Variants in GPC5 observed in about 807,000 individuals in gnomAD.
The protein encoded by GPC5 is glypican 5, also known as glypican-5.
Under a neutral mutation model 53.9 loss-of-function variants are expected in GPC5, and 47 were observed. That is an observed-to-expected ratio of 0.87 (90% CI 0.69 to 1.11). The LOEUF is 1.11. Among genes scored for constraint, GPC5 ranks in the 50% most tolerant of loss-of-function variants. The pLI is 0.00. For synonymous variants in GPC5, 286 were observed against 263.3 expected (o/e 1.09, Z -0.84); for missense variants, 748 against 713.1 (o/e 1.05, Z -0.56).
At chr13:91,706,300 C>G (rs2139880776) in intron 3 of GPC5, among the ~76,000 whole-genome samples, 1 of 151,920 alleles carries the variant, frequency 6.6e-6, no homozygotes, top group South Asian at 2.1e-4. Context: ...ATTTTTGCCC[C>G]ATAGAGTTAT....
intron 5 of GPC5, among the ~76,000 whole-genome samples, chr13:91,812,530 C>T (rs2038329377): frequency 6.6e-6 from 1 of 152,160 alleles, no homozygotes; most frequent in Non-Finnish European, 1.5e-5. Context: ...ACTTAGAAAG[C>T]TTAAATAACT....
Position 92,395,442 on chromosome 13 carries a change from C to T in GPC5, c.1561+250453C>T, listed in dbSNP as rs1875224302. ...CTGTTGTCATTTATTTTCCTTATCCCTATGCTATAGTTACCCAATACACTG... is the reference window on the plus strand; with the variant it reads ...CTGTTGTCATTTATTTTCCTTATCCTTATGCTATAGTTACCCAATACACTG... On this transcript the variant is annotated intron_variant, in intron 7 of 7. Transcript: ENST00000377067. Among the ~76,000 whole-genome samples, 2 of 152,070 alleles carry T rather than the reference C, an allele frequency of 1.3e-5. 1 individual carries two copies. Among genetic ancestry groups the T allele is most frequent in the Non-Finnish European group, 2.9e-5 (2 of 67,980 alleles).
intron 7 of GPC5, among the ~76,000 whole-genome samples, chr13:92,146,067 T>G (rs1278285514): frequency 6.6e-6 from 1 of 152,144 alleles, no homozygotes; most frequent in East Asian, 1.9e-4. Context: ...TAATGAAATG[T>G]TTTCTCATTA....
rs779699133 is a variant in GPC5 at position 91,693,931 on chromosome 13, T to C, written c.1020+50T>C. 4.5e-6 allele frequency: 6 copies of C among 1,341,140 alleles called. No individual in the cohort carries two copies. The East Asian group carries it at 1.2e-4, about 26-fold the overall frequency. The allele number at this position is 1,341,140 out of a possible 1,614,324, so 83.1% of individuals were successfully genotyped here. A position where few individuals can be genotyped will look rare whatever the true frequency, so the allele number is the denominator to read the frequency against. ...GTCTGACTTCTTGTAATTCAAATAT[T>C]AGCCATGATATACTTTAGGAAATAG... On this transcript the variant is annotated intron_variant, in intron 3 of 7. Coordinates refer to ENST00000377067, the MANE Select transcript of GPC5 (RefSeq NM_004466.6).
At chr13:92,703,243 GAATA>G (rs1473970827) in intron 7 of GPC5, among the ~76,000 whole-genome samples, 1 of 151,558 alleles carries the variant, frequency 6.6e-6, no homozygotes, top group Non-Finnish European at 1.5e-5. Context: ...GTTTTCAAAA[GAATA>G]AATTAATTAA....
At chr13:92,427,109 G>A (rs1876872262) in intron 7 of GPC5, among the ~76,000 whole-genome samples, 1 of 151,622 alleles carries the variant, frequency 6.6e-6, no homozygotes, top group South Asian at 2.1e-4. Context: ...TTCACCTAGT[G>A]CTTACCCAAG....
chr13:92,655,902 A>G (rs911629603), intron 7 of GPC5, among the ~76,000 whole-genome samples: 15 of 152,302 alleles, frequency 9.8e-5, no homozygotes, highest in African/African-American at 3.6e-4. Context: ...ATCAAACTGA[A>G]ATTTAAAATA....
At chr13:92,567,922 T>C (rs947694365) in intron 7 of GPC5, among the ~76,000 whole-genome samples, 38 of 152,268 alleles carry the variant, frequency 2.5e-4, no homozygotes, top group African/African-American at 8.9e-4. Flanking sequence ...TCAGCCCAAC[T>C]GATTTAAACG....
chr13:91,513,354 T>TTGTGTGTGTG (rs139449591), intron 2 of GPC5, among the ~76,000 whole-genome samples: 7 of 149,468 alleles, frequency 4.7e-5, no homozygotes, highest in African/African-American at 1.7e-4. Context: ...TTGTTTTCAT[T>TTGTGTGTGTG]TGTGTGTGTG....
At chr13:92,517,850 G>A (rs553343887) in intron 7 of GPC5, among the ~76,000 whole-genome samples, 1 of 152,222 alleles carries the variant, frequency 6.6e-6, no homozygotes, top group Admixed American at 6.5e-5. Context: ...GATGAGTTGA[G>A]AGAAGTCTTC....
intron 7 of GPC5, among the ~76,000 whole-genome samples, chr13:92,259,793 A>G (rs2042752362): frequency 6.6e-6 from 1 of 152,116 alleles, no homozygotes; most frequent in African/African-American, 2.4e-5. Flanking sequence ...AGCATTCTTC[A>G]CTAATTCTGT....
At chr13:91,872,963 A>C (rs2039163574) in intron 5 of GPC5, among the ~76,000 whole-genome samples, 1 of 152,218 alleles carries the variant, frequency 6.6e-6, no homozygotes, top group African/African-American at 2.4e-5. Context: ...AGTCATTTCA[A>C]AATATTTTAT....
At chr13:91,444,935 C>T (rs906020300) in intron 1 of GPC5, among the ~76,000 whole-genome samples, 8 of 152,112 alleles carry the variant, frequency 5.3e-5, no homozygotes, top group Non-Finnish European at 1.0e-4. Context: ...AGAACCAAAC[C>T]CAACTGCTGT....
rs1040966686 is a variant in GPC5, at chr13:92,817,985, G to T, written c.1562-48297G>T. On this transcript the variant is annotated intron_variant, in intron 7 of 7. Transcript: ENST00000377067. ...ACTTTCCACCTGGGTAATGGGTAATGGATGGACATCTTGCCTAAATTGCAT... is the reference window on the plus strand; with the variant it reads ...ACTTTCCACCTGGGTAATGGGTAATTGATGGACATCTTGCCTAAATTGCAT... Among the ~76,000 whole-genome samples the T allele has an allele frequency of 4.0e-5, 6 of 151,114 alleles. 1 individual carries two copies. Among genetic ancestry groups the T allele is most frequent in the African/African-American group, 1.5e-4 (6 of 40,848 alleles).
At chr13:92,403,821 A>T (rs1875668734) in intron 7 of GPC5, among the ~76,000 whole-genome samples, 1 of 152,188 alleles carries the variant, frequency 6.6e-6, no homozygotes, top group Non-Finnish European at 1.5e-5. Context: ...CTTATTGCTG[A>T]TTTTACATTA....
chr13:92,530,330 C>A (rs1881514071), intron 7 of GPC5, among the ~76,000 whole-genome samples: 1 of 152,082 alleles, frequency 6.6e-6, no homozygotes, highest in Non-Finnish European at 1.5e-5. Flanking sequence ...GGGGAGGGCT[C>A]AGCTCTCTGC....
At chr13:92,677,046 T>C (rs1439112724) in intron 7 of GPC5, among the ~76,000 whole-genome samples, 1 of 152,144 alleles carries the variant, frequency 6.6e-6, no homozygotes, top group East Asian at 1.9e-4. Flanking sequence ...TCATAACAAG[T>C]CAATTATAAT....
chr13:91,925,175 A>C (rs1444562877), intron 6 of GPC5, among the ~76,000 whole-genome samples: 1 of 152,144 alleles, frequency 6.6e-6, no homozygotes, highest in Non-Finnish European at 1.5e-5. Flanking sequence ...TTAAAACAAA[A>C]TTTTATGTGT....
At chr13:91,507,003 A>G (rs1216236420) in intron 2 of GPC5, among the ~76,000 whole-genome samples, 4 of 152,184 alleles carry the variant, frequency 2.6e-5, no homozygotes, top group Non-Finnish European at 2.9e-5. Flanking sequence ...GTATTTTGGT[A>G]TACACATTTT....
Sources: gnomAD v4.1 joint callset for allele counts (sites outside exome capture counted in the v4.1 genomes callset) on GRCh38, gnomAD v4.1.1 for gene constraint, MANE v1.5 for transcripts, NCBI Gene and HGNC (gene_info 2026-07-23, HGNC 2026-07-21) for gene names.